UNC79: variants seen among roughly 807,000 people sequenced by gnomAD.
UNC79 encodes the protein protein unc-79 homolog.
In UNC79, 37 loss-of-function variants were observed where a neutral mutation model predicts 283.1. That is an observed-to-expected ratio of 0.13 (90% CI 0.10 to 0.17). The LOEUF (loss-of-function observed/expected upper bound fraction) is 0.17, where lower values mean the gene tolerates loss of function less well. Among genes scored for constraint, UNC79 ranks in the 10% least tolerant of loss-of-function variants. The pLI, the probability that UNC79 is intolerant of heterozygous loss-of-function variation, is 1.00. For synonymous variants in UNC79, 1,107 were observed against 1,200.2 expected (o/e 0.92, Z 1.61); for missense variants, 2,272 against 3,211.1 (o/e 0.71, Z 7.07).
chr14:93,656,486 C>A (rs1278081367), intron 38 of UNC79, among the ~76,000 whole-genome samples: 1 of 151,674 alleles, frequency 6.6e-6, no homozygotes, highest in Non-Finnish European at 1.5e-5. Context: ...TATAGTGAGA[C>A]TCTGTCTCTT....
chr14:93,435,761 A>T (rs1296281012), intron 1 of UNC79, among the ~76,000 whole-genome samples: 1 of 152,180 alleles, frequency 6.6e-6, no homozygotes, highest in African/African-American at 2.4e-5. Context: ...AGCCTTGTTG[A>T]TTCTAGCTCG....
chr14:93,622,473 G>T (rs778581168), exon 30 of UNC79: 1 of 1,614,092 alleles, frequency 6.2e-7, no homozygotes, highest in Admixed American at 1.7e-5. Context: ...AAGCAAAAAC[G>T]AGACCTCCTT....
intron 9 of UNC79, 51 bp downstream of exon 9, chr14:93,528,697 TAAG>T: frequency 6.5e-7 from 1 of 1,548,206 alleles, no homozygotes; most frequent in East Asian, 2.2e-5. Context: ...AATAAGAAGA[TAAG>T]AAAAATCATT....
intron 1 of UNC79, among the ~76,000 whole-genome samples, chr14:93,341,604 CAAAA>C (rs952789518): frequency 3.2e-5 from 2 of 62,708 alleles, no homozygotes. Context: ...TCTGTCTCTA[CAAAA>C]AAAAAAAAAA....
chr14:93,447,645 C>T (rs942441943), intron 1 of UNC79, among the ~76,000 whole-genome samples: 1 of 151,772 alleles, frequency 6.6e-6, no homozygotes, highest in Non-Finnish European at 1.5e-5. Context: ...AAAAACTTTC[C>T]TTCGCATATT....
intron 7 of UNC79, among the ~76,000 whole-genome samples, chr14:93,515,041 G>A (rs1360122476): frequency 2.0e-5 from 3 of 152,020 alleles, no homozygotes; most frequent in East Asian, 3.9e-4. Flanking sequence ...CATATTTTTT[G>A]TATTCCCCGT....
chr14:93,671,247 A>C (rs2402339), intron 40 of UNC79, among the ~76,000 whole-genome samples: 92,748 of 151,976 alleles, frequency 0.61, 28,911 homozygotes, highest in Admixed American at 0.68. Flanking sequence ...ATTATATATT[A>C]TAATGGAGAC....
exon 2 of UNC79, chr14:93,467,736 C>A: frequency 7.0e-7 from 1 of 1,434,048 alleles, no homozygotes; most frequent in Non-Finnish European, 9.1e-7. Context: ...TTATCCTGTA[C>A]CATCAGGAAC....
At chr14:93,516,775 A>G (rs2060084236) in intron 7 of UNC79, among the ~76,000 whole-genome samples, 2 of 151,950 alleles carry the variant, frequency 1.3e-5, no homozygotes, top group Non-Finnish European at 2.9e-5. Flanking sequence ...ATGAGATTAC[A>G]TTGACTATAT....
rs71129642 is a variant in UNC79 at position 93,493,901 on chromosome 14, ATTT to A, written c.713-2493_713-2491del. ...TATATATATATATATATATATATATATTTTTTTTTTTTTTTTTTTGAGATAGAG... is the reference window on the plus strand; with the variant it reads ...TATATATATATATATATATATATATATTTTTTTTTTTTTTTTGAGATAGAG... On this transcript the variant is annotated intron_variant, in intron 5 of 48. Transcript: ENST00000555664. Among the ~76,000 whole-genome samples, 161 of 49,240 alleles carry A rather than the reference ATTT, an allele frequency of 3.3e-3. 2 individuals are homozygous for A. Among genetic ancestry groups the A allele is most frequent in the African/African-American group, 0.012 (139 of 11,200 alleles). The allele number at this position is 49,240 out of a possible 152,430, so 32.3% of individuals were successfully genotyped here.
At chr14:93,535,154 G>T (rs1019429303) in intron 11 of UNC79, among the ~76,000 whole-genome samples, 1 of 152,212 alleles carries the variant, frequency 6.6e-6, no homozygotes, top group Non-Finnish European at 1.5e-5. Flanking sequence ...AAAGTGGTTG[G>T]AGTGAACATT....
intron 1 of UNC79, among the ~76,000 whole-genome samples, chr14:93,377,980 A>G (rs2054595105): frequency 1.3e-5 from 2 of 152,200 alleles, no homozygotes; most frequent in Non-Finnish European, 2.9e-5. Flanking sequence ...AAGAAGTTGG[A>G]AAATATTTGA....
intron 10 of UNC79, among the ~76,000 whole-genome samples, chr14:93,530,386 C>T (rs1348334586): frequency 3.3e-5 from 5 of 151,674 alleles, no homozygotes; most frequent in East Asian, 3.9e-4. Flanking sequence ...ACCTGGGCAA[C>T]GTGGTGAAAC....
Position 93,386,927 on chromosome 14 carries a change from CTTTTTTTTTTTTTTTT to C in UNC79, c.-351+53421_-351+53436del, listed in dbSNP as rs35267402. Among the ~76,000 whole-genome samples the C allele has an allele frequency of 2.2e-4, 6 of 27,162 alleles. No individual in the cohort carries two copies. The Admixed American group carries it at 2.5e-3, about 11-fold the overall frequency. The allele number at this position is 27,162 out of a possible 152,430, so 17.8% of individuals were successfully genotyped here. A position where few individuals can be genotyped will look rare whatever the true frequency, so the allele number is the denominator to read the frequency against. ...TTCATTTCAATTTCATGTATTTCTGCTTTTTTTTTTTTTTTTTTTTTTTTTTTTTTTTGAGACGGAG... is the reference window on the plus strand; with the variant it reads ...TTCATTTCAATTTCATGTATTTCTGCTTTTTTTTTTTTTTTTGAGACGGAG... On this transcript the variant is annotated intron_variant, in intron 1 of 49. Coordinates refer to the UNC79 transcript ENST00000256339.
intron 1 of UNC79, among the ~76,000 whole-genome samples, chr14:93,404,513 T>TATATAAAA (rs1229909876): frequency 8.8e-6 from 1 of 113,294 alleles, no homozygotes; most frequent in African/African-American, 3.4e-5. Flanking sequence ...TATATATATA[T>TATATAAAA]AAATATATAC....
chr14:93,415,588 A>G (rs2055435191), intron 1 of UNC79, among the ~76,000 whole-genome samples: 1 of 152,078 alleles, frequency 6.6e-6, no homozygotes, highest in African/African-American at 2.4e-5. Flanking sequence ...TAGTTTCAGA[A>G]GGAATGGTAA....
chr14:93,660,563 A>ATATATATATATGTGTGTG (rs1203621990), intron 39 of UNC79, among the ~76,000 whole-genome samples: 52 of 64,748 alleles, frequency 8.0e-4, no homozygotes, highest in Non-Finnish European at 1.4e-3. Context: ...ATATATATAT[A>ATATATATATATGTGTGTG]TGTGTGTGTG....
At chr14:93,453,002 GA>G (rs1234295355) in intron 1 of UNC79, among the ~76,000 whole-genome samples, 5 of 152,292 alleles carry the variant, frequency 3.3e-5, no homozygotes, top group Non-Finnish European at 7.4e-5. Context: ...AGTATGTTCT[GA>G]ATCAAAGTAC....
At chr14:93,479,444 C>T (rs61992610) in intron 4 of UNC79, among the ~76,000 whole-genome samples, 46,603 of 151,852 alleles carry the variant, frequency 0.31, 7,511 homozygotes, top group East Asian at 0.65. Context: ...ACTACAGGCA[C>T]CAGCCACCAC....
Sources: gnomAD v4.1 joint callset for allele counts (sites outside exome capture counted in the v4.1 genomes callset) on GRCh38, gnomAD v4.1.1 for gene constraint, MANE v1.5 for transcripts, NCBI Gene and HGNC (gene_info 2026-07-23, HGNC 2026-07-21) for gene names.